The following PARPBP variants were observed in gnomAD, a reference collection of about 807,000 sequenced individuals.
The protein encoded by PARPBP is PARP1 binding protein.
PARPBP carries 52 observed loss-of-function variants against 50.0 expected under a neutral mutation model. The ratio of observed to expected loss-of-function variants is 1.04; its 90% CI spans 0.83 to 1.31. The LOEUF (loss-of-function observed/expected upper bound fraction) is 1.31, where lower values mean the gene tolerates loss of function less well. Among genes scored for constraint, PARPBP ranks in the 50% most tolerant of loss-of-function variants. The probability of loss-of-function intolerance (pLI) is 0.00; values close to 1 mark genes in which losing one functional copy is unlikely to be tolerated. For missense variants in PARPBP, 697 were observed against 672.0 expected (o/e 1.04, Z -0.41); for synonymous variants, 244 against 232.1 (o/e 1.05, Z -0.47).
intron 4 of PARPBP, 118 bp downstream of exon 4, chr12:102,154,094 T>C: frequency 1.7e-6 from 1 of 594,756 alleles, no homozygotes; most frequent in Non-Finnish European, 3.0e-6. Context: ...ATCTTTAGTA[T>C]GTTTAAAACT....
chr12:102,144,474 C>T (rs1885094563), intron 2 of PARPBP, among the ~76,000 whole-genome samples: 1 of 152,122 alleles, frequency 6.6e-6, no homozygotes, highest in African/African-American at 2.4e-5. Context: ...ATAGAATATG[C>T]TGTCATGGTG....
At chr12:102,148,512 C>T (rs1460218146) in intron 3 of PARPBP, 49 bp downstream of exon 3, 2 of 721,390 alleles carry the variant, frequency 2.8e-6, no homozygotes, top group Admixed American at 2.7e-5. Flanking sequence ...AAATTTAGCT[C>T]TATTTATTTT....
chr12:102,139,604 A>G (rs1040597866), intron 2 of PARPBP, among the ~76,000 whole-genome samples: 4 of 152,174 alleles, frequency 2.6e-5, no homozygotes, highest in Non-Finnish European at 5.9e-5. Flanking sequence ...ATTCAGTATG[A>G]TATTGGCTGT....
chr12:102,170,548 A>C (rs1447154056), intron 6 of PARPBP, among the ~76,000 whole-genome samples: 1 of 152,262 alleles, frequency 6.6e-6, no homozygotes, highest in African/African-American at 2.4e-5. Context: ...ACATAAACAT[A>C]GATAAGCATA....
chr12:102,158,120 CAAAAAAAA>C (rs55962862), intron 4 of PARPBP, among the ~76,000 whole-genome samples: 1 of 47,992 alleles, frequency 2.1e-5, no homozygotes, highest in African/African-American at 8.5e-5. Context: ...GACTCCATCT[CAAAAAAAA>C]AAAAAAAAAA....
chr12:102,189,188 G>C (rs1890575476), intron 9 of PARPBP, among the ~76,000 whole-genome samples: 1 of 152,176 alleles, frequency 6.6e-6, no homozygotes, highest in Non-Finnish European at 1.5e-5. Context: ...TAGAAGAGAG[G>C]GTGGACAAAT....
intron 3 of PARPBP, among the ~76,000 whole-genome samples, chr12:102,151,126 C>T (rs764598827): frequency 6.6e-6 from 1 of 152,058 alleles, no homozygotes; most frequent in Non-Finnish European, 1.5e-5. Flanking sequence ...AACACACGTG[C>T]GTAACAGAAC....
rs1881532420 is a variant in PARPBP at position 102,123,856 on chromosome 12, C to G, written c.-3-30C>G. On this transcript the variant is annotated intron_variant, in intron 1 of 10. Coordinates refer to ENST00000327680, the MANE Select transcript of PARPBP (RefSeq NM_017915.5). ...GTTAATTTCAGGTTAACATAAGATA[C>G]TTTAACTTTGTATTCTGTCCTACTT... 2.7e-6 allele frequency: 4 copies of G among 1,486,786 alleles called. No individual in the cohort carries two copies. The South Asian group carries it at 4.8e-5, about 18-fold the overall frequency. 92.1% of individuals were successfully genotyped at this position (1,486,786 alleles called of 1,614,324 possible).
At position 102,123,870 on chromosome 12, in the gene PARPBP, T is replaced by G; in HGVS notation, c.-3-16T>G. The G allele has an allele frequency of 6.6e-7, 1 of 1,520,806 alleles. No homozygotes were observed. 94.2% of individuals were successfully genotyped at this position (1,520,806 alleles called of 1,614,324 possible). Reference sequence around the variant, plus strand: ...AACATAAGATACTTTAACTTTGTATTCTGTCCTACTTTAAGATAATGGCTG... The same window carrying G: ...AACATAAGATACTTTAACTTTGTATGCTGTCCTACTTTAAGATAATGGCTG... On this transcript the variant is annotated splice_polypyrimidine_tract_variant and intron_variant, in intron 1 of 10. Coordinates refer to ENST00000327680, the MANE Select transcript of PARPBP (RefSeq NM_017915.5).
At position 102,143,517 on chromosome 12, in the gene PARPBP, C is replaced by T. The variant is rs555219238; in HGVS notation, c.154-4713C>T. On this transcript the variant is annotated intron_variant, in intron 2 of 10. Transcript: ENST00000327680. ...CTGACAAGCCCCAATGAGATGAACC[C>T]GGTACCTCAGTTGGAAATGCAGAAA... 9.2e-5 allele frequency among the ~76,000 whole-genome samples: 14 copies of T among 152,236 alleles called. No individual in the cohort carries two copies. The South Asian group carries it at 1.0e-3, about 11-fold the overall frequency.
At chr12:102,188,218 T>G (rs886523148) in intron 9 of PARPBP, among the ~76,000 whole-genome samples, 1 of 151,980 alleles carries the variant, frequency 6.6e-6, no homozygotes, top group Non-Finnish European at 1.5e-5. Context: ...TAAAACCACC[T>G]TGATTCCACT....
At chr12:102,189,847 TAAGAACTC>T (rs1464698674) in intron 9 of PARPBP, among the ~76,000 whole-genome samples, 1 of 152,146 alleles carries the variant, frequency 6.6e-6, no homozygotes, top group Non-Finnish European at 1.5e-5. Flanking sequence ...GCAGAATATT[TAAGAACTC>T]AAAAGTAAAC....
In PARPBP at chr12:102,197,064, T is replaced by C. The variant is rs1203830304; in HGVS notation, c.*773T>C. On this transcript the variant is annotated 3_prime_UTR_variant, in exon 11 of 11. Coordinates refer to ENST00000327680, the MANE Select transcript of PARPBP (RefSeq NM_017915.5). ...CTTGTGTTGATTCAGTATTCTGAAC[T>C]CCATTCTCAGCTGGGAAAGCTACAG... The C allele has an allele frequency of 1.2e-6, 2 of 1,612,222 alleles. No homozygotes were observed. Among genetic ancestry groups the C allele is most frequent in the Non-Finnish European group, 1.7e-6 (2 of 1,178,670 alleles).
chr12:102,127,119 A>T (rs1882120055), intron 2 of PARPBP, among the ~76,000 whole-genome samples: 1 of 152,116 alleles, frequency 6.6e-6, no homozygotes, highest in Non-Finnish European at 1.5e-5. Context: ...TATGGGCTAG[A>T]CACACTGACT....
intron 2 of PARPBP, among the ~76,000 whole-genome samples, chr12:102,147,139 C>T (rs1038124969): frequency 7.2e-5 from 11 of 152,292 alleles, no homozygotes; most frequent in African/African-American, 2.6e-4. Context: ...ACTAGTTCAA[C>T]CATTGTGGAA....
chr12:102,142,820 G>A (rs866619259), intron 2 of PARPBP, among the ~76,000 whole-genome samples: 20 of 152,298 alleles, frequency 1.3e-4, no homozygotes, highest in South Asian at 6.2e-4. Flanking sequence ...ATTGCAGAAC[G>A]GCAAATGTTG....
In PARPBP at chr12:102,165,803, G is replaced by A. The variant is rs1391752749; in HGVS notation, c.741G>A (p.Arg247=). ...GYAPPPSDPL[R]THVKGLSNFI... The stretch of plus-strand genomic sequence containing the variant: ...CACCACCACCATCAGATCCTTTAAG[G>A]ACACATGTAAAGGGATTGTCTAATT... The change falls in exon 6 of 11, where the codon AGG becomes AGA. Residue 247 remains arginine, a synonymous_variant. Coordinates refer to ENST00000327680, the MANE Select transcript of PARPBP (RefSeq NM_017915.5). 47 of 1,592,174 alleles carry A rather than the reference G, an allele frequency of 3.0e-5. No individual in the cohort carries two copies. The highest frequency in any genetic ancestry group is 4.0e-5 in the Non-Finnish European group (46 of 1,160,694).
Position 102,148,378 on chromosome 12 carries a change from A to G in PARPBP, c.302A>G (p.Asn101Ser). 6.3e-7 allele frequency: 1 copy of G among 1,587,992 alleles called. No homozygotes were observed. The highest frequency in any genetic ancestry group is 8.6e-7 in the Non-Finnish European group (1 of 1,156,590). The change falls in exon 3 of 11, where the codon AAC becomes AGC. Residue 101 changes from asparagine to serine, a missense_variant. Physicochemically the swap from Asn to Ser is conservative, Grantham distance 46. Coordinates refer to ENST00000327680, the MANE Select transcript of PARPBP (RefSeq NM_017915.5). ...VRKIYDDFLK[N>S]SNMLDLIDVY... Reference sequence around the variant, plus strand: ...AAGATTTATGATGATTTCTTGAAGAACAGTAATATGTTAGATCTGATTGAT... The same window carrying G: ...AAGATTTATGATGATTTCTTGAAGAGCAGTAATATGTTAGATCTGATTGAT...
intron 2 of PARPBP, among the ~76,000 whole-genome samples, chr12:102,137,196 AC>A (rs1461326939): frequency 6.6e-6 from 1 of 151,928 alleles, no homozygotes; most frequent in African/African-American, 2.4e-5. Flanking sequence ...TTCGTGATCC[AC>A]CCGCCTCGGC....
Sources: gnomAD v4.1 joint callset for allele counts (sites outside exome capture counted in the v4.1 genomes callset) on GRCh38, gnomAD v4.1.1 for gene constraint, MANE v1.5 for transcripts, NCBI Gene and HGNC (gene_info 2026-07-23, HGNC 2026-07-21) for gene names.